The following INPP4B variants were observed in gnomAD, a reference collection of about 807,000 sequenced individuals.
INPP4B encodes the protein inositol polyphosphate-4-phosphatase type II B.
In INPP4B, 55 loss-of-function variants were observed where a neutral mutation model predicts 122.5. The ratio of observed to expected loss-of-function variants is 0.45; its 90% confidence interval spans 0.36 to 0.56. The LOEUF is 0.56. INPP4B is among the 20% of genes least tolerant of loss of function. The probability of loss-of-function intolerance (pLI) is 0.00; values close to 1 mark genes in which losing one functional copy is unlikely to be tolerated. For missense variants in INPP4B, 1,000 were observed against 1,097.7 expected (o/e 0.91, Z 1.26); for synonymous variants, 403 against 388.7 (o/e 1.04, Z -0.43).
intron 2 of INPP4B, among the ~76,000 whole-genome samples, chr4:142,466,462 G>A (rs942995859): frequency 6.6e-6 from 1 of 152,178 alleles, no homozygotes; most frequent in African/African-American, 2.4e-5. Flanking sequence ...TGATCTGGTT[G>A]TTTCTAACAA....
chr4:142,701,038 A>G (rs10020797), intron 2 of INPP4B, among the ~76,000 whole-genome samples: 119,067 of 152,024 alleles, frequency 0.78, 47,301 homozygotes, highest in East Asian at 0.85. Context: ...AGCATTAATG[A>G]AAGGCTAGAA....
At chr4:142,379,096 A>C (rs1793098027) in intron 7 of INPP4B, among the ~76,000 whole-genome samples, 2 of 152,136 alleles carry the variant, frequency 1.3e-5, no homozygotes, top group African/African-American at 4.8e-5. Flanking sequence ...TGCCCTTTTC[A>C]AAAAACCCAA....
intron 1 of INPP4B, among the ~76,000 whole-genome samples, chr4:142,842,558 A>C (rs1019878515): frequency 7.1e-6 from 1 of 141,734 alleles, no homozygotes; most frequent in African/African-American, 2.6e-5. Flanking sequence ...TATTATATAT[A>C]ATATATAATA....
chr4:142,821,858 T>C (rs1432575481), intron 1 of INPP4B, among the ~76,000 whole-genome samples: 1 of 152,134 alleles, frequency 6.6e-6, no homozygotes, highest in Non-Finnish European at 1.5e-5. Flanking sequence ...CACTGTCACA[T>C]CAAAGAAGAA....
intron 7 of INPP4B, among the ~76,000 whole-genome samples, chr4:142,338,830 C>T (rs1777733131): frequency 6.6e-6 from 1 of 152,186 alleles, no homozygotes; most frequent in African/African-American, 2.4e-5. Context: ...CACACTCCAC[C>T]CTTTTCCATC....
chr4:142,823,479 T>G (rs1273901219), intron 1 of INPP4B, among the ~76,000 whole-genome samples: 1 of 152,150 alleles, frequency 6.6e-6, no homozygotes, highest in Non-Finnish European at 1.5e-5. Flanking sequence ...ATAATCCACT[T>G]GAGTAAAGAT....
upstream of INPP4B, chr4:142,846,371 A>G (rs1214339749): frequency 1.3e-5 from 2 of 152,250 alleles, no homozygotes; most frequent in African/African-American, 4.8e-5. The surrounding 1 kb of genome is among the most constrained non-coding windows in gnomAD (Gnocchi z 5.1). Flanking sequence ...AACCCGGAGG[A>G]AACTAGCAGG....
intron 2 of INPP4B, among the ~76,000 whole-genome samples, chr4:142,478,048 T>C (rs7662794): frequency 0.2 from 30,215 of 152,070 alleles, 3,584 homozygotes; most frequent in East Asian, 0.43. Flanking sequence ...AGCAATCCGC[T>C]CACCTAGGCC....
intron 9 of INPP4B, among the ~76,000 whole-genome samples, chr4:142,289,697 C>A (rs1371605771): frequency 6.6e-6 from 1 of 152,152 alleles, no homozygotes; most frequent in Non-Finnish European, 1.5e-5. Context: ...CATGTCCCTG[C>A]AAAGGACATG....
chr4:142,613,042 T>G (rs777770626), intron 2 of INPP4B, among the ~76,000 whole-genome samples: 1 of 152,190 alleles, frequency 6.6e-6, no homozygotes, highest in Non-Finnish European at 1.5e-5. Context: ...TCTTTCTTCC[T>G]GCTAATTAGA....
chr4:142,172,378 G>A (rs748122149), intron 16 of INPP4B, among the ~76,000 whole-genome samples: 14 of 151,828 alleles, frequency 9.2e-5, no homozygotes, highest in Non-Finnish European at 2.1e-4. Context: ...CCATAATTCT[G>A]ATGATTAAAT....
intron 2 of INPP4B, among the ~76,000 whole-genome samples, chr4:142,697,308 C>A (rs1761163187): frequency 6.6e-6 from 1 of 152,144 alleles, no homozygotes; most frequent in South Asian, 2.1e-4. Context: ...TGCCATCAAC[C>A]TTGCTCCCAG....
At chr4:142,464,933 A>T (rs1817480807) in intron 2 of INPP4B, among the ~76,000 whole-genome samples, 1 of 152,186 alleles carries the variant, frequency 6.6e-6, no homozygotes, top group Admixed American at 6.5e-5. Flanking sequence ...TGTCCTTATT[A>T]ACAGAACAGA....
At chr4:142,046,404 T>C (rs1204936967) in intron 25 of INPP4B, among the ~76,000 whole-genome samples, 1 of 152,078 alleles carries the variant, frequency 6.6e-6, no homozygotes, top group Admixed American at 6.6e-5. Flanking sequence ...TAGCTTGGCC[T>C]TGGGGATTCA....
intron 25 of INPP4B, among the ~76,000 whole-genome samples, chr4:142,075,943 C>T (rs770593068): frequency 6.6e-6 from 1 of 152,042 alleles, no homozygotes; most frequent in Admixed American, 6.6e-5. Context: ...CAATTAGATT[C>T]ATTTCCATTG....
chr4:142,252,727 T>C (rs1168783231), intron 11 of INPP4B, among the ~76,000 whole-genome samples: 1 of 152,234 alleles, frequency 6.6e-6, no homozygotes, highest in Non-Finnish European at 1.5e-5. Context: ...GTTTTCCTAC[T>C]GAATCCATAT....
intron 16 of INPP4B, among the ~76,000 whole-genome samples, chr4:142,169,075 T>C (rs1404416554): frequency 6.6e-6 from 1 of 151,660 alleles, no homozygotes; most frequent in Non-Finnish European, 1.5e-5. Flanking sequence ...ACAGCAGAAG[T>C]TCTGATTCCA....
intron 5 of INPP4B, among the ~76,000 whole-genome samples, chr4:142,419,496 T>A (rs1413260860): frequency 6.6e-6 from 1 of 152,134 alleles, no homozygotes; most frequent in African/African-American, 2.4e-5. Context: ...TCTTTGTCAC[T>A]GGTAGAGCTG....
chr4:142,047,608 T>G (rs1050978037), intron 25 of INPP4B, among the ~76,000 whole-genome samples: 1 of 152,008 alleles, frequency 6.6e-6, no homozygotes, highest in African/African-American at 2.4e-5. Flanking sequence ...AACAATTAGA[T>G]TAATGATACT....
Sources: allele counts gnomAD v4.1 joint callset (sites outside exome capture counted in the v4.1 genomes callset), GRCh38; gene constraint gnomAD v4.1.1; non-coding constraint Gnocchi (gnomAD v3.1); transcripts MANE v1.5; gene names NCBI Gene and HGNC (gene_info 2026-07-23, HGNC 2026-07-21).